Variants in ZNF766 observed in about 807,000 individuals in gnomAD.
ZNF766 encodes the protein zinc finger protein 766.
A neutral mutation model predicts 13.2 loss-of-function variants in ZNF766; 13 were observed. The ratio of observed to expected loss-of-function variants is 0.98; its 90% confidence interval spans 0.64 to 1.56. ZNF766 has a LOEUF of 1.56. ZNF766 is among the 40% of genes most tolerant of loss of function. The probability of loss-of-function intolerance (pLI) is 0.00; values close to 1 mark genes in which losing one functional copy is unlikely to be tolerated. For synonymous variants in ZNF766, 178 were observed against 187.6 expected (o/e 0.95, Z 0.42); for missense variants, 521 against 552.2 (o/e 0.94, Z 0.57).
intron 1 of ZNF766, among the ~76,000 whole-genome samples, chr19:52,275,089 C>T (rs1472040011): frequency 6.6e-6 from 1 of 152,114 alleles, no homozygotes; most frequent in African/African-American, 2.4e-5. Context: ...GGAGTGACGC[C>T]TCTAGAAGAG....
chr19:52,277,411 A>G (rs1981260254), intron 1 of ZNF766: 4 of 1,431,832 alleles, frequency 2.8e-6, no homozygotes, highest in South Asian at 1.2e-5. Flanking sequence ...GTGAGCTGAG[A>G]TCGGGCCACG....
intron 3 of ZNF766, among the ~76,000 whole-genome samples, chr19:52,284,405 A>G (rs925746175): frequency 1.3e-5 from 2 of 152,138 alleles, no homozygotes; most frequent in African/African-American, 4.8e-5. Flanking sequence ...GGGTCCTGGA[A>G]ACTGCATGGA....
intron 1 of ZNF766, among the ~76,000 whole-genome samples, chr19:52,273,657 G>T (rs1223164541): frequency 6.6e-6 from 1 of 152,192 alleles, no homozygotes; most frequent in African/African-American, 2.4e-5. Flanking sequence ...GGAGGGTTCT[G>T]TGTTCCTCTC....
intron 1 of ZNF766, chr19:52,277,617 T>C: frequency 6.8e-7 from 1 of 1,466,534 alleles, no homozygotes; most frequent in Non-Finnish European, 9.2e-7. Flanking sequence ...TTGAGAATCT[T>C]CTCTGAGTCT....
In ZNF766 at chr19:52,291,457, G is replaced by A. The variant is rs924721746; in HGVS notation, c.*259G>A. 2.1e-5 allele frequency: 8 copies of A among 376,486 alleles called. No homozygotes were observed. Among genetic ancestry groups the A allele is most frequent in the Admixed American group, 1.7e-4 (4 of 23,758 alleles). 23.3% of individuals were successfully genotyped at this position (376,486 alleles called of 1,614,324 possible). A position where few individuals can be genotyped will look rare whatever the true frequency, so the allele number is the denominator to read the frequency against. On this transcript the variant is annotated 3_prime_UTR_variant, in exon 4 of 4. Coordinates refer to ENST00000439461, the MANE Select transcript of ZNF766 (RefSeq NM_001010851.3). Reference sequence around the variant, plus strand: ...CACGTGGAAATGATCTGTAATATTCGGGTTATTAAAAATGTAATTGGCTGG... The same window carrying A: ...CACGTGGAAATGATCTGTAATATTCAGGTTATTAAAAATGTAATTGGCTGG...
At chr19:52,286,590 A>G (rs946178069) in intron 3 of ZNF766, among the ~76,000 whole-genome samples, 2 of 151,644 alleles carry the variant, frequency 1.3e-5, no homozygotes, top group African/African-American at 4.9e-5. Flanking sequence ...TTTTTATCAT[A>G]ATTGCTAAGG....
At chr19:52,277,587 T>G (rs915214489) in intron 1 of ZNF766, 1 of 1,532,584 alleles carries the variant, frequency 6.5e-7, no homozygotes. Flanking sequence ...TATTTCTTCC[T>G]GAAATGCCGG....
chr19:52,272,984 A>T lies in ZNF766; in HGVS notation c.18+3353A>T, dbSNP rs149082884. Among the ~76,000 whole-genome samples, 47 of 151,954 alleles carry T rather than the reference A, an allele frequency of 3.1e-4. 1 individual carries two copies. Among genetic ancestry groups the T allele is most frequent in the African/African-American group, 1.1e-3 (47 of 41,366 alleles). On this transcript the variant is annotated intron_variant, in intron 1 of 3. Transcript: ENST00000439461. Reference sequence around the variant, plus strand: ...GCTGAACTTGTCATATGTTCAAAATATGTAAGATGTTACATTGTAAATACA... The same window carrying T: ...GCTGAACTTGTCATATGTTCAAAATTTGTAAGATGTTACATTGTAAATACA...
At chr19:52,281,546 C>A (rs1471274721) in intron 1 of ZNF766, 1 of 314,268 alleles carries the variant, frequency 3.2e-6, no homozygotes, top group Non-Finnish European at 6.2e-6. Flanking sequence ...TACACTATCA[C>A]GTTAATGAGT....
At chr19:52,283,448 T>G in intron 3 of ZNF766, 35 bp downstream of exon 3, 1 of 188,018 alleles carries the variant, frequency 5.3e-6, no homozygotes, top group Non-Finnish European at 9.1e-6. Flanking sequence ...AAAGCCACAC[T>G]TTTTTTTTTT....
In ZNF766 at chr19:52,282,318, T is replaced by C. The variant is rs960441995; in HGVS notation, c.145+81T>C. The C allele has an allele frequency of 3.1e-5, 46 of 1,466,936 alleles. 1 individual carries two copies. Among genetic ancestry groups the C allele is most frequent in the Non-Finnish European group, 9.1e-6 (10 of 1,098,470 alleles). The allele number at this position is 1,466,936 out of a possible 1,614,324, so 90.9% of individuals were successfully genotyped here. A position where few individuals can be genotyped will look rare whatever the true frequency, so the allele number is the denominator to read the frequency against. The stretch of plus-strand genomic sequence containing the variant: ...CCCTTGTGTGCCTCTTGGGAGCCCC[T>C]GCATTGCTTGACTGAGATTGAAACC... On this transcript the variant is annotated intron_variant, in intron 2 of 3. Coordinates refer to ENST00000439461, the MANE Select transcript of ZNF766 (RefSeq NM_001010851.3).
intron 1 of ZNF766, among the ~76,000 whole-genome samples, chr19:52,276,924 G>C (rs1311688030): frequency 6.6e-6 from 1 of 152,150 alleles, no homozygotes; most frequent in East Asian, 1.9e-4. Flanking sequence ...GCTCCCCACT[G>C]CTGCAGTGTG....
At position 52,282,097 on chromosome 19, in the gene ZNF766, A is replaced by G. The variant is rs773233541; in HGVS notation, c.19-14A>G. The G allele has an allele frequency of 1.9e-6, 3 of 1,593,750 alleles. No individual in the cohort carries two copies. Among genetic ancestry groups the G allele is most frequent in the Middle Eastern group, 1.7e-4 (1 of 5,942 alleles). Reference sequence around the variant, plus strand: ...TCTCCTTACCCTGTTGGTCAAATACATCTTTTATTTTAGGGACACTTGACA... The same window carrying G: ...TCTCCTTACCCTGTTGGTCAAATACGTCTTTTATTTTAGGGACACTTGACA... On this transcript the variant is annotated splice_polypyrimidine_tract_variant and intron_variant, in intron 1 of 3. Coordinates refer to ENST00000439461, the MANE Select transcript of ZNF766 (RefSeq NM_001010851.3).
At chr19:52,283,436 T>C in intron 3 of ZNF766, 23 bp downstream of exon 3, 2 of 1,526,236 alleles carry the variant, frequency 1.3e-6, no homozygotes, top group Non-Finnish European at 1.8e-6. Context: ...ATGGACAGAG[T>C]GAAAGCCACA....
At chr19:52,277,339 G>A in intron 1 of ZNF766, 1 of 952,630 alleles carries the variant, frequency 1.0e-6, no homozygotes, top group Non-Finnish European at 1.5e-6. Flanking sequence ...GGCACCTGTA[G>A]TCCCAGCTAC....
chr19:52,271,115 G>T (rs2122456240), intron 1 of ZNF766, among the ~76,000 whole-genome samples: 1 of 152,190 alleles, frequency 6.6e-6, no homozygotes. Flanking sequence ...TGCTGGAATG[G>T]TTCCCAGAAC....
rs1260171426 is a variant in ZNF766, at chr19:52,277,600, G to A, written c.19-4511G>A. On this transcript the variant is annotated intron_variant, in intron 1 of 3. Coordinates refer to ENST00000439461, the MANE Select transcript of ZNF766 (RefSeq NM_001010851.3). ...CTTATTTCTTCCTGAAATGCCGGGT[G>A]CTGGAGTTGAGAATCTTCTCTGAGT... 4.0e-6 allele frequency: 6 copies of A among 1,517,574 alleles called. No individual in the cohort carries two copies. In the African/African-American group the frequency reaches 4.1e-5, roughly 10 times the overall value. 94.0% of individuals were successfully genotyped at this position (1,517,574 alleles called of 1,614,324 possible).
At chr19:52,279,828 C>G (rs1252252810) in intron 1 of ZNF766, among the ~76,000 whole-genome samples, 44 of 108,202 alleles carry the variant, frequency 4.1e-4, no homozygotes, top group Non-Finnish European at 5.8e-4. Context: ...CGGAGTCTCA[C>G]TCTTTTGCCT....
intron 1 of ZNF766, chr19:52,277,173 A>G (rs1211467970): frequency 1.1e-5 from 13 of 1,139,642 alleles, no homozygotes; most frequent in African/African-American, 1.6e-5. Flanking sequence ...CTAAAGAGTC[A>G]TGTTGGCCGG....
Sources: allele counts gnomAD v4.1 joint callset (sites outside exome capture counted in the v4.1 genomes callset), GRCh38; gene constraint gnomAD v4.1.1; transcripts MANE v1.5; gene names NCBI Gene and HGNC (gene_info 2026-07-23, HGNC 2026-07-21).